Variants in ZNF385B observed in about 807,000 individuals in gnomAD.
ZNF385B encodes zinc finger protein 385B, also known as zinc finger protein 533.
In ZNF385B, 23 loss-of-function variants were observed where a neutral mutation model predicts 39.2. The ratio of observed to expected loss-of-function variants is 0.59; its 90% CI spans 0.42 to 0.83. The LOEUF (loss-of-function observed/expected upper bound fraction) is 0.83, where lower values mean the gene tolerates loss of function less well. ZNF385B is among the 40% of genes least tolerant of loss of function. ZNF385B has a pLI of 0.00. For synonymous variants in ZNF385B, 205 were observed against 222.6 expected (o/e 0.92, Z 0.70); for missense variants, 552 against 598.9 (o/e 0.92, Z 0.82).
At chr2:179,837,083 T>C (rs1373901101) in intron 1 of ZNF385B, among the ~76,000 whole-genome samples, 4 of 152,100 alleles carry the variant, frequency 2.6e-5, no homozygotes, top group Non-Finnish European at 5.9e-5. Context: ...AATTAAAGGG[T>C]CAGCTGAGCA....
At chr2:179,580,251 C>T (rs1045759651) in intron 3 of ZNF385B, among the ~76,000 whole-genome samples, 5 of 152,092 alleles carry the variant, frequency 3.3e-5, no homozygotes, top group African/African-American at 4.8e-5. Flanking sequence ...TTATAACTCC[C>T]AGGGTATTCT....
At chr2:179,501,547 C>T (rs972833245) in intron 5 of ZNF385B, among the ~76,000 whole-genome samples, 2 of 151,918 alleles carry the variant, frequency 1.3e-5, no homozygotes, top group African/African-American at 4.8e-5. Flanking sequence ...AAGTCATGGA[C>T]ACAGAGAGTA....
intron 3 of ZNF385B, among the ~76,000 whole-genome samples, chr2:179,663,240 A>AG (rs1694706211): frequency 6.6e-6 from 1 of 152,192 alleles, no homozygotes; most frequent in Non-Finnish European, 1.5e-5. Context: ...AGAGTACCTT[A>AG]GGGACACCAG....
chr2:179,581,184 A>T (rs959215525), intron 3 of ZNF385B, among the ~76,000 whole-genome samples: 1 of 152,240 alleles, frequency 6.6e-6, no homozygotes, highest in Non-Finnish European at 1.5e-5. Flanking sequence ...AATTATGATT[A>T]CAGAATTTAC....
At chr2:179,540,611 T>C (rs923546124) in intron 4 of ZNF385B, among the ~76,000 whole-genome samples, 1 of 152,184 alleles carries the variant, frequency 6.6e-6, no homozygotes, top group African/African-American at 2.4e-5. Context: ...TGGGGGAGTA[T>C]GAACATTGAA....
chr2:179,662,114 C>T (rs1380403505), intron 3 of ZNF385B, among the ~76,000 whole-genome samples: 6 of 152,272 alleles, frequency 3.9e-5, no homozygotes, highest in Non-Finnish European at 7.4e-5. Flanking sequence ...GGAATTACAG[C>T]AGTTTCAGAT....
chr2:179,725,910 GTA>G (rs72080859), intron 3 of ZNF385B, among the ~76,000 whole-genome samples: 48,251 of 138,526 alleles, frequency 0.35, 8,038 homozygotes, highest in African/African-American at 0.43. Flanking sequence ...GTTTGTGTGT[GTA>G]TATATATATA....
At chr2:179,632,474 G>T (rs987805221) in intron 3 of ZNF385B, among the ~76,000 whole-genome samples, 1 of 152,184 alleles carries the variant, frequency 6.6e-6, no homozygotes, top group African/African-American at 2.4e-5. Flanking sequence ...GGAAATGAAG[G>T]CAGAAATAAA....
intron 1 of ZNF385B, among the ~76,000 whole-genome samples, chr2:179,852,260 G>C (rs1176328779): frequency 1.3e-5 from 2 of 152,182 alleles, no homozygotes; most frequent in Admixed American, 1.3e-4. Context: ...GCTTTTCCTA[G>C]GATGCAGAGA....
At chr2:179,674,960 G>A (rs987817384) in intron 3 of ZNF385B, among the ~76,000 whole-genome samples, 2 of 152,114 alleles carry the variant, frequency 1.3e-5, no homozygotes, top group African/African-American at 2.4e-5. Flanking sequence ...AGAGTAAAAA[G>A]AAAATCAAGG....
At chr2:179,478,323 A>G (rs558410949) in intron 6 of ZNF385B, among the ~76,000 whole-genome samples, 5 of 152,218 alleles carry the variant, frequency 3.3e-5, no homozygotes, top group Non-Finnish European at 7.3e-5. Flanking sequence ...TGTTGCACCC[A>G]TATGTACTAT....
chr2:179,806,901 C>T (rs370445981), intron 1 of ZNF385B, among the ~76,000 whole-genome samples: 198 of 152,270 alleles, frequency 1.3e-3, no homozygotes, highest in African/African-American at 4.5e-3. Context: ...ACGCCATATA[C>T]AGAACGACAG....
At chr2:179,777,981 G>T (rs372495568) in intron 1 of ZNF385B, among the ~76,000 whole-genome samples, 72 of 151,852 alleles carry the variant, frequency 4.7e-4, no homozygotes, top group African/African-American at 1.7e-3. Flanking sequence ...ATGTTGTCTG[G>T]GCTGGTCTCA....
chr2:179,552,339 G>C (rs914523562), intron 3 of ZNF385B, among the ~76,000 whole-genome samples: 3 of 149,276 alleles, frequency 2.0e-5, no homozygotes, highest in African/African-American at 7.5e-5. Flanking sequence ...GCATGAAGAA[G>C]CATTTGCAGA....
intron 3 of ZNF385B, chr2:179,584,069 T>C: frequency 3.4e-6 from 2 of 595,534 alleles, no homozygotes; most frequent in South Asian, 3.1e-5. Context: ...TATAGTCTAC[T>C]GGGAGAAACA....
At chr2:179,653,595 G>C (rs964420985) in intron 3 of ZNF385B, among the ~76,000 whole-genome samples, 1 of 152,114 alleles carries the variant, frequency 6.6e-6, no homozygotes, top group Non-Finnish European at 1.5e-5. Flanking sequence ...TATGCCTTCA[G>C]TGTTCAGTCA....
intron 3 of ZNF385B, among the ~76,000 whole-genome samples, chr2:179,586,250 C>T (rs1012531452): frequency 7.4e-5 from 11 of 149,410 alleles, no homozygotes; most frequent in African/African-American, 2.8e-4. Context: ...TCTTTTGGTG[C>T]CCCCAATGTA....
At chr2:179,551,901 T>C (rs566891603) in intron 3 of ZNF385B, among the ~76,000 whole-genome samples, 3 of 152,174 alleles carry the variant, frequency 2.0e-5, no homozygotes, top group Non-Finnish European at 4.4e-5. Flanking sequence ...TTCACTCTTA[T>C]CATGGAAATT....
intron 6 of ZNF385B, among the ~76,000 whole-genome samples, chr2:179,448,809 G>A (rs1282312980): frequency 6.6e-6 from 1 of 152,026 alleles, no homozygotes; most frequent in Non-Finnish European, 1.5e-5. Flanking sequence ...TATCACTAGT[G>A]ATATAAAAGT....
Sources: allele counts gnomAD v4.1 joint callset (sites outside exome capture counted in the v4.1 genomes callset), GRCh38; gene constraint gnomAD v4.1.1; transcripts MANE v1.5; gene names NCBI Gene and HGNC (gene_info 2026-07-23, HGNC 2026-07-21).